Variants in RNF185 observed in about 807,000 individuals in gnomAD.
RNF185 encodes E3 ubiquitin-protein ligase RNF185.
A neutral mutation model predicts 24.9 loss-of-function variants in RNF185; 13 were observed. That is an observed-to-expected ratio of 0.52 (90% CI 0.34 to 0.83). The LOEUF is 0.83. RNF185 is among the 40% of genes least tolerant of loss of function. RNF185 has a pLI of 0.01. For synonymous variants in RNF185, 79 were observed against 90.3 expected, an observed-to-expected ratio of 0.88 and a Z score of 0.71; for missense variants, 184 against 244.7, an observed-to-expected ratio of 0.75 and a Z score of 1.65.
At chr22:31,168,383 G>T (rs116788856) in intron 1 of RNF185, among the ~76,000 whole-genome samples, 110 of 152,278 alleles carry the variant, frequency 7.2e-4, no homozygotes, top group African/African-American at 2.6e-3. Flanking sequence ...GTTCATTTAT[G>T]TTGTAGCATA....
chr22:31,187,203 T>G lies in RNF185; in HGVS notation c.109T>G (p.Phe37Val), dbSNP rs1481631403. 6.2e-7 allele frequency: 1 copy of G among 1,613,916 alleles called. No homozygotes were observed. The highest frequency in any genetic ancestry group is 8.5e-7 in the Non-Finnish European group (1 of 1,179,952). The change falls in exon 2 of 7, where the codon TTC (phenylalanine) becomes GTC (valine). Residue 37 changes from phenylalanine to valine, a missense_variant. Physicochemically the swap from Phe to Val is conservative, Grantham distance 50. Transcript: ENST00000326132. ...CGAGAGCGGAGGGCAGGACAGCACT[T>G]TCGAGTGCAACATCTGCTTGGACAC... ...AGESGGQDST[F>V]ECNICLDTAK...
chr22:31,174,028 G>A (rs2047957561), intron 1 of RNF185, among the ~76,000 whole-genome samples: 1 of 152,212 alleles, frequency 6.6e-6, no homozygotes, highest in Non-Finnish European at 1.5e-5. Context: ...TGAACTCAGA[G>A]ACCTTAAAAG....
At chr22:31,203,886 A>G (rs2048287495) in intron 6 of RNF185, among the ~76,000 whole-genome samples, 1 of 151,772 alleles carries the variant, frequency 6.6e-6, no homozygotes, top group African/African-American at 2.4e-5. Flanking sequence ...AAATACAAAA[A>G]AAAAATTAGC....
intron 1 of RNF185, among the ~76,000 whole-genome samples, chr22:31,178,001 C>G (rs536290589): frequency 2.1e-4 from 32 of 152,236 alleles, no homozygotes; most frequent in African/African-American, 7.5e-4. Context: ...CCAAGTAGAC[C>G]AAAGGCCAGC....
intron 1 of RNF185, among the ~76,000 whole-genome samples, chr22:31,166,277 C>T (rs2147919232): frequency 6.6e-6 from 1 of 152,206 alleles, no homozygotes; most frequent in East Asian, 1.9e-4. Context: ...AGGCATGAGC[C>T]ACCATGCCCT....
intron 1 of RNF185, among the ~76,000 whole-genome samples, chr22:31,163,866 G>A (rs752392337): frequency 6.6e-6 from 1 of 151,736 alleles, no homozygotes; most frequent in Non-Finnish European, 1.5e-5. Flanking sequence ...TGGAGACGGG[G>A]TTTCACCATG....
chr22:31,168,582 G>A (rs1924081826), intron 1 of RNF185, among the ~76,000 whole-genome samples: 1 of 152,162 alleles, frequency 6.6e-6, no homozygotes, highest in Non-Finnish European at 1.5e-5. Context: ...TACATACCTA[G>A]AGGTAGAATT....
intron 1 of RNF185, among the ~76,000 whole-genome samples, chr22:31,173,910 G>A (rs1299832070): frequency 6.6e-6 from 1 of 152,182 alleles, no homozygotes; most frequent in South Asian, 2.1e-4. Context: ...TTCAAGGAAT[G>A]ATGCTCATTG....
chr22:31,160,651 G>A (rs763965200), intron 1 of RNF185, among the ~76,000 whole-genome samples: 3 of 152,182 alleles, frequency 2.0e-5, no homozygotes, highest in Non-Finnish European at 2.9e-5. Flanking sequence ...GCAGAGGCCG[G>A]GGAGCGCGGT....
intron 1 of RNF185, among the ~76,000 whole-genome samples, chr22:31,160,916 T>C (rs930806768): frequency 3.3e-5 from 5 of 152,206 alleles, no homozygotes; most frequent in Admixed American, 3.3e-4. Flanking sequence ...GTCCTGTATA[T>C]ACTAATGTTT....
intron 1 of RNF185, among the ~76,000 whole-genome samples, chr22:31,184,053 C>T (rs1320983911): frequency 4.0e-5 from 6 of 148,562 alleles, no homozygotes; most frequent in African/African-American, 7.5e-5. Context: ...GCTGGCCGGT[C>T]GGGGGCTGCC....
At chr22:31,182,891 A>G (rs1325465510) in intron 1 of RNF185, 2 of 134,690 alleles carry the variant, frequency 1.5e-5, no homozygotes, top group Non-Finnish European at 3.1e-5. Context: ...TTTTCTGTAA[A>G]TAGGTAATTT....
At chr22:31,196,828 A>G (rs549268881) in intron 4 of RNF185, 108 bp from the exon 5 acceptor site, 2 of 1,440,892 alleles carry the variant, frequency 1.4e-6, no homozygotes, top group African/African-American at 1.4e-5. Context: ...TGTCCTGGAC[A>G]AGAAAGAGGC....
rs1169812191 is a variant in RNF185 at position 31,186,683 on chromosome 22, G to C, written c.-48-364G>C. Among the ~76,000 whole-genome samples, 3 of 152,278 alleles carry C rather than the reference G, an allele frequency of 2.0e-5. No individual in the cohort carries two copies. The East Asian group carries it at 5.8e-4, about 29-fold the overall frequency. ...AGATTCACCCATCAATATAGAGGCT[G>C]GACAGCCTGAACATTCCATTTAATG... On this transcript the variant is annotated intron_variant, in intron 1 of 6. Transcript: ENST00000326132.
chr22:31,195,275 A>G (rs1306643412), intron 3 of RNF185, among the ~76,000 whole-genome samples, 194 bp from the exon 4 acceptor site: 2 of 152,132 alleles, frequency 1.3e-5, no homozygotes, highest in African/African-American at 4.8e-5. Context: ...TTTAAAGGCA[A>G]TTTTGATTTT....
chr22:31,172,634 C>T (rs1338482403), intron 1 of RNF185, among the ~76,000 whole-genome samples: 10 of 150,704 alleles, frequency 6.6e-5, no homozygotes, highest in South Asian at 2.1e-4. Context: ...CTGTGGTCCC[C>T]GCTACTCAGG....
At chr22:31,170,605 G>A (rs1412487770) in intron 1 of RNF185, among the ~76,000 whole-genome samples, 1 of 152,022 alleles carries the variant, frequency 6.6e-6, no homozygotes, top group Non-Finnish European at 1.5e-5. Flanking sequence ...CCACCTCCAG[G>A]GTTCAAGCGA....
chr22:31,191,048 T>A (rs2048151127), intron 2 of RNF185, among the ~76,000 whole-genome samples: 1 of 152,282 alleles, frequency 6.6e-6, no homozygotes. Flanking sequence ...TCAGCTAGGT[T>A]TGTGTAAGTA....
chr22:31,188,056 C>T (rs2048117427), intron 2 of RNF185, among the ~76,000 whole-genome samples: 1 of 152,062 alleles, frequency 6.6e-6, no homozygotes. Flanking sequence ...CAGGCACATG[C>T]ACTGTTGGAC....
Sources: allele counts gnomAD v4.1 joint callset (sites outside exome capture counted in the v4.1 genomes callset), GRCh38; gene constraint gnomAD v4.1.1; transcripts MANE v1.5; gene names NCBI Gene and HGNC (gene_info 2026-07-23, HGNC 2026-07-21).